ADCY2: variants seen among roughly 807,000 people sequenced by gnomAD.
ADCY2 encodes the protein adenylate cyclase 2, also known as adenylate cyclase type 2.
In ADCY2, 31 loss-of-function variants were observed where a neutral mutation model predicts 125.2. That is an observed-to-expected ratio of 0.25 (90% confidence interval 0.19 to 0.33). The LOEUF is 0.33. Ranked by LOEUF, ADCY2 falls within the 10% of genes least tolerant of loss-of-function variation. ADCY2 has a pLI of 1.00. For synonymous variants in ADCY2, 512 were observed against 548.4 expected (o/e 0.93, Z 0.93); for missense variants, 904 against 1,418.2 (o/e 0.64, Z 5.82).
At chr5:7,532,503 GCAGT>G (rs1442429800) in intron 3 of ADCY2, among the ~76,000 whole-genome samples, 1 of 152,132 alleles carries the variant, frequency 6.6e-6, no homozygotes, top group Admixed American at 6.5e-5. Context: ...AATTATCAAG[GCAGT>G]CATAGTAGAC....
intron 7 of ADCY2, among the ~76,000 whole-genome samples, chr5:7,704,586 A>G (rs1341840535): frequency 1.3e-5 from 2 of 152,216 alleles, no homozygotes; most frequent in African/African-American, 4.8e-5. Context: ...GCAACAAAAC[A>G]TGTGGCTAGT....
chr5:7,696,580 C>A (rs996969450), intron 6 of ADCY2, among the ~76,000 whole-genome samples: 1 of 152,206 alleles, frequency 6.6e-6, no homozygotes, highest in African/African-American at 2.4e-5. Context: ...GGTCAATTCT[C>A]TCTTTGAATT....
intron 2 of ADCY2, among the ~76,000 whole-genome samples, chr5:7,473,069 C>T (rs1742397067): frequency 6.6e-6 from 1 of 151,860 alleles, no homozygotes; most frequent in African/African-American, 2.4e-5. Context: ...ATGGGTTTCT[C>T]AGTGGTCCTG....
intron 3 of ADCY2, among the ~76,000 whole-genome samples, chr5:7,570,226 T>C (rs988163110): frequency 1.1e-4 from 16 of 152,086 alleles, no homozygotes; most frequent in Admixed American, 6.6e-5. Context: ...AATGAAAACA[T>C]AGAAAATCTT....
At chr5:7,450,894 T>C (rs1741447630) in intron 2 of ADCY2, among the ~76,000 whole-genome samples, 1 of 152,228 alleles carries the variant, frequency 6.6e-6, no homozygotes, top group South Asian at 2.1e-4. Context: ...GGCATGCTAT[T>C]GGAATATTCA....
intron 3 of ADCY2, among the ~76,000 whole-genome samples, chr5:7,615,121 A>T (rs1737708386): frequency 6.6e-6 from 1 of 152,160 alleles, no homozygotes; most frequent in Non-Finnish European, 1.5e-5. Context: ...GCCAGATCTC[A>T]TGAGAACTCA....
intron 4 of ADCY2, among the ~76,000 whole-genome samples, chr5:7,677,717 A>T (rs1740181127): frequency 6.6e-6 from 1 of 152,196 alleles, no homozygotes; most frequent in Non-Finnish European, 1.5e-5. Context: ...GTTGACAGCA[A>T]AACCAGGAGG....
At chr5:7,502,979 G>A (rs974918985) in intron 2 of ADCY2, among the ~76,000 whole-genome samples, 2 of 152,166 alleles carry the variant, frequency 1.3e-5, no homozygotes, top group African/African-American at 2.4e-5. Flanking sequence ...GGCACTCCCT[G>A]CGGATAATCT....
intron 20 of ADCY2, chr5:7,796,403 G>C (rs1001910199): frequency 2.6e-5 from 4 of 152,194 alleles, no homozygotes; most frequent in African/African-American, 9.6e-5. Flanking sequence ...CTTATGCCAA[G>C]ACCTGCATTA....
intron 1 of ADCY2, among the ~76,000 whole-genome samples, chr5:7,405,010 A>G (rs1739421734): frequency 6.6e-6 from 1 of 152,190 alleles, no homozygotes; most frequent in South Asian, 2.1e-4. Context: ...ATGGAATTGC[A>G]TGACATTTTT....
intron 2 of ADCY2, among the ~76,000 whole-genome samples, chr5:7,488,081 A>G (rs1413015401): frequency 1.3e-5 from 2 of 152,184 alleles, no homozygotes; most frequent in Non-Finnish European, 2.9e-5. Flanking sequence ...CTGTGTCCCC[A>G]CCCAAATCTC....
intron 3 of ADCY2, among the ~76,000 whole-genome samples, chr5:7,603,784 CTTTTTTTTTTTTTT>C: frequency 5.4e-4 from 34 of 62,808 alleles, no homozygotes; most frequent in East Asian, 1.8e-3. Flanking sequence ...TGCTCTCTTT[CTTTTTTTTTTTTTT>C]TTTTTTTTTT....
At chr5:7,440,880 C>T (rs1035683084) in intron 2 of ADCY2, among the ~76,000 whole-genome samples, 1 of 152,162 alleles carries the variant, frequency 6.6e-6, no homozygotes, top group African/African-American at 2.4e-5. Flanking sequence ...TTATGAGGGG[C>T]TGAGCCAAAG....
intron 2 of ADCY2, among the ~76,000 whole-genome samples, chr5:7,500,866 TAAAG>T (rs1375454701): frequency 6.6e-6 from 1 of 152,166 alleles, no homozygotes; most frequent in Non-Finnish European, 1.5e-5. Context: ...TTTTTCCCCT[TAAAG>T]AAACTGGGAT....
At chr5:7,780,720 A>G (rs189712989) in intron 18 of ADCY2, among the ~76,000 whole-genome samples, 23 of 152,326 alleles carry the variant, frequency 1.5e-4, no homozygotes, top group African/African-American at 5.3e-4. Context: ...AAGTTTTTGA[A>G]GGTGGGATAA....
intron 10 of ADCY2, 127 bp from the exon 11 acceptor site, chr5:7,712,729 A>G (rs1741478227): frequency 1.5e-6 from 1 of 679,336 alleles, no homozygotes; most frequent in African/African-American, 1.8e-5. Context: ...CCACATGAGT[A>G]ATTAATTATT....
chr5:7,741,708 CTCT>C (rs1742424806), intron 14 of ADCY2, among the ~76,000 whole-genome samples: 2 of 149,130 alleles, frequency 1.3e-5, no homozygotes, highest in African/African-American at 2.5e-5. Context: ...CCATAACCAT[CTCT>C]ATCACCATCA....
chr5:7,605,811 C>T (rs1199715269), intron 3 of ADCY2, among the ~76,000 whole-genome samples: 1 of 16,140 alleles, frequency 6.2e-5, no homozygotes, highest in East Asian at 1.5e-3. Context: ...ATTTCCTTCT[C>T]CTGCCTGATT....
chr5:7,598,758 GT>G (rs1737097428), intron 3 of ADCY2, among the ~76,000 whole-genome samples: 1 of 152,162 alleles, frequency 6.6e-6, no homozygotes, highest in African/African-American at 2.4e-5. Flanking sequence ...CAGCAGTGAT[GT>G]GTGACACCTC....
Sources: allele counts gnomAD v4.1 joint callset (sites outside exome capture counted in the v4.1 genomes callset), GRCh38; gene constraint gnomAD v4.1.1; transcripts MANE v1.5; gene names NCBI Gene and HGNC (gene_info 2026-07-23, HGNC 2026-07-21).